Variants in SMR3B observed in about 807,000 individuals in gnomAD.
The protein encoded by SMR3B is submaxillary gland androgen-regulated protein 3B.
For synonymous variants in SMR3B, 42 were observed against 36.1 expected (o/e 1.16, Z -0.59); for missense variants, 114 against 99.9 (o/e 1.14, Z -0.60).
In SMR3B at chr4:70,389,796, C is replaced by T; in HGVS notation, c.188C>T (p.Pro63Leu). 1.2e-6 allele frequency: 2 copies of T among 1,614,040 alleles called. No individual in the cohort carries two copies. The highest frequency in any genetic ancestry group is 2.2e-5 in the South Asian group (2 of 91,072). Residue 63 changes from proline (P) to leucine (L), a missense_variant, in exon 3 of 3, where the codon CCT becomes CTT. Transcript: ENST00000304915. ...GGTCCAGGGAGAATCCCACCTCCTC[C>T]TCCCGCACCCTATGGTCCAGGGATA... ...PYGPGRIPPPPPAPYGPGIFP... is the reference protein window; with the variant it reads ...PYGPGRIPPPLPAPYGPGIFP...
intron 2 of SMR3B, among the ~76,000 whole-genome samples, chr4:70,388,184 C>T (rs1732698106): frequency 6.6e-6 from 1 of 152,166 alleles, no homozygotes. Flanking sequence ...ATGACTTCTT[C>T]TCACTAGAAC....
intron 2 of SMR3B, among the ~76,000 whole-genome samples, chr4:70,388,941 G>T (rs1732711571): frequency 6.6e-6 from 1 of 152,122 alleles, no homozygotes; most frequent in African/African-American, 2.4e-5. Flanking sequence ...TTCGACTATA[G>T]GCAAAGGATA....
At chr4:70,384,707 T>C in intron 2 of SMR3B, 143 bp downstream of exon 2, 1 of 1,455,814 alleles carries the variant, frequency 6.9e-7, no homozygotes, top group Non-Finnish European at 9.2e-7. Context: ...AGGGCTTAAA[T>C]TTAAATTTAA....
intron 2 of SMR3B, 178 bp downstream of exon 2, chr4:70,384,742 G>A (rs1732629641): frequency 8.4e-7 from 1 of 1,190,004 alleles, no homozygotes; most frequent in East Asian, 2.7e-5. Context: ...AACCACACAT[G>A]TCTGATGGCT....
At chr4:70,384,318 T>G (rs1560527578) in intron 1 of SMR3B, among the ~76,000 whole-genome samples, 179 bp from the exon 2 acceptor site, 1 of 152,216 alleles carries the variant, frequency 6.6e-6, no homozygotes, top group Non-Finnish European at 1.5e-5. Context: ...AAGTCAAATT[T>G]TATAAGCCTA....
At position 70,389,702 on chromosome 4, in the gene SMR3B, C is replaced by T. The variant is rs1312635603; in HGVS notation, c.94C>T (p.Pro32Ser). Reference sequence around the variant, plus strand: ...AAGAGGCCCCAGGGGACCATATCCACCTGGACCGCTGGCTCCTCCTCAACC... The same window carrying T: ...AAGAGGCCCCAGGGGACCATATCCATCTGGACCGCTGGCTCCTCCTCAACC... ...SQRGPRGPYP[P>S]GPLAPPQPFG... The change falls in exon 3 of 3, where the codon CCT (proline) becomes TCT (serine). Residue 32 changes from proline (P) to serine (S), a missense_variant. Physicochemically the swap from Pro to Ser is moderately conservative, Grantham distance 74. Transcript: ENST00000304915. 1 of 1,614,150 alleles carries T rather than the reference C, an allele frequency of 6.2e-7. No individual in the cohort carries two copies. The highest frequency in any genetic ancestry group is 1.1e-5 in the South Asian group (1 of 91,078).
intron 2 of SMR3B, among the ~76,000 whole-genome samples, chr4:70,388,951 A>G (rs1732711773): frequency 6.6e-6 from 1 of 152,200 alleles, no homozygotes; most frequent in African/African-American, 2.4e-5. Context: ...GGCAAAGGAT[A>G]AGATTTTTGC....
chr4:70,385,189 T>G (rs1732637060), intron 2 of SMR3B: 1 of 152,192 alleles, frequency 6.6e-6, no homozygotes, highest in Non-Finnish European at 1.5e-5. Context: ...AGAATCATAC[T>G]CGATTTCAAA....
At chr4:70,387,679 C>T (rs2109761725) in intron 2 of SMR3B, among the ~76,000 whole-genome samples, 1 of 152,166 alleles carries the variant, frequency 6.6e-6, no homozygotes, top group East Asian at 1.9e-4. Flanking sequence ...CCTGAAATAT[C>T]TTGGTGAAGC....
chr4:70,385,629 C>G (rs926666047), intron 2 of SMR3B, among the ~76,000 whole-genome samples: 2 of 149,176 alleles, frequency 1.3e-5, no homozygotes, highest in Admixed American at 1.3e-4. Context: ...TGGTCTCGAT[C>G]TCCTGACCTC....
In SMR3B at chr4:70,390,058, A is replaced by C; in HGVS notation, c.*210A>C. The C allele has an allele frequency of 7.3e-6, 7 of 953,086 alleles. No homozygotes were observed. The highest frequency in any genetic ancestry group is 1.2e-5 in the Non-Finnish European group (7 of 587,904). 59.0% of individuals were successfully genotyped at this position (953,086 alleles called of 1,614,324 possible). ...TTGTAACTACTGCTTCTACTACCCA[A>C]AATATGAATTCCAACACTGCTTCCA... On this transcript the variant is annotated 3_prime_UTR_variant, in exon 3 of 3. Coordinates refer to ENST00000304915, the MANE Select transcript of SMR3B (RefSeq NM_006685.4).
chr4:70,390,107 T>C lies in SMR3B; in HGVS notation c.*259T>C. The C allele has an allele frequency of 1.3e-6, 1 of 764,688 alleles. No homozygotes were observed. The highest frequency in any genetic ancestry group is 2.3e-6 in the Non-Finnish European group (1 of 441,176). The allele number at this position is 764,688 out of a possible 1,614,324, so 47.4% of individuals were successfully genotyped here. A position where few individuals can be genotyped will look rare whatever the true frequency, so the allele number is the denominator to read the frequency against. On this transcript the variant is annotated 3_prime_UTR_variant, in exon 3 of 3. Transcript: ENST00000304915. ...CAAGAGACATTTACATAAAATTGCT[T>C]CCATTTTTGGATGAGAATGAAAAAT...
rs1210473902 is a variant in SMR3B, at chr4:70,390,136, A to G, written c.*288A>G. ...TTTTTGGATGAGAATGAAAAATTCC[A>G]AAAGTGCTGAGCTTTGGGGAGAAAT... On this transcript the variant is annotated 3_prime_UTR_variant, in exon 3 of 3. Transcript: ENST00000304915. The G allele has an allele frequency of 1.4e-6, 1 of 702,368 alleles. No homozygotes were observed. The highest frequency in any genetic ancestry group is 2.6e-6 in the Non-Finnish European group (1 of 390,970). 43.5% of individuals were successfully genotyped at this position (702,368 alleles called of 1,614,324 possible).
Position 70,383,197 on chromosome 4 carries a change from A to G in SMR3B, c.-30A>G, listed in dbSNP as rs9997878. ...CCAGCAGATTAATCAACTGTAAGACAGATCCTCACACAAAGGTAGGTACTT... is the reference window on the plus strand; with the variant it reads ...CCAGCAGATTAATCAACTGTAAGACGGATCCTCACACAAAGGTAGGTACTT... On this transcript the variant is annotated 5_prime_UTR_variant, in exon 1 of 3. Transcript: ENST00000304915. 0.95 allele frequency: 144,013 copies of G among 152,146 alleles called. 68,240 individuals are homozygous for G. Among genetic ancestry groups the G allele is most frequent in the East Asian group, 1 (5,163 of 5,164 alleles). The allele number at this position is 152,146 out of a possible 1,614,324, so 9.4% of individuals were successfully genotyped here.
rs192792390 is a variant in SMR3B at position 70,390,244 on chromosome 4, A to G, written c.*396A>G. ...GGCAAAAATAAAGAATTGAGCACCA[A>G]TATGAAGTCTCCACTGTTGTCATCA... On this transcript the variant is annotated 3_prime_UTR_variant, in exon 3 of 3. Transcript: ENST00000304915. 2.0e-3 allele frequency: 940 copies of G among 461,574 alleles called. 1 individual carries two copies. Among genetic ancestry groups the G allele is most frequent in the Non-Finnish European group, 2.1e-3 (522 of 252,300 alleles). The allele number at this position is 461,574 out of a possible 1,614,324, so 28.6% of individuals were successfully genotyped here.
intron 2 of SMR3B, among the ~76,000 whole-genome samples, chr4:70,387,939 C>T (rs1732693240): frequency 6.6e-6 from 1 of 152,086 alleles, no homozygotes; most frequent in Non-Finnish European, 1.5e-5. Context: ...AGATGCTTTG[C>T]CGTAATACTA....
chr4:70,387,869 T>C (rs1361142452), intron 2 of SMR3B, among the ~76,000 whole-genome samples: 1 of 152,224 alleles, frequency 6.6e-6, no homozygotes, highest in Non-Finnish European at 1.5e-5. Flanking sequence ...TTTCTGATGG[T>C]ACAGTGCTTG....
chr4:70,385,429 ACT>A (rs10563493), intron 2 of SMR3B, among the ~76,000 whole-genome samples: 33,273 of 131,522 alleles, frequency 0.25, 4,661 homozygotes, highest in African/African-American at 0.4. Flanking sequence ...TTTGAAACAG[ACT>A]CTCGCTCTGT....
chr4:70,384,881 A>C, intron 2 of SMR3B: 1 of 229,506 alleles, frequency 4.4e-6, no homozygotes, highest in Non-Finnish European at 8.4e-6. Flanking sequence ...TCAAAATAAA[A>C]CCGTTTTCCC....
Sources: gnomAD v4.1 joint callset for allele counts (sites outside exome capture counted in the v4.1 genomes callset) on GRCh38, gnomAD v4.1.1 for gene constraint, MANE v1.5 for transcripts, NCBI Gene and HGNC (gene_info 2026-07-23, HGNC 2026-07-21) for gene names.